The following CELSR1 variants were observed in gnomAD, a reference collection of about 807,000 sequenced individuals.
CELSR1 encodes cadherin EGF LAG seven-pass G-type receptor 1.
In CELSR1, 110 loss-of-function variants were observed where a neutral mutation model predicts 249.1. That is an observed-to-expected ratio of 0.44 (90% CI 0.38 to 0.52). CELSR1 has a LOEUF of 0.52. CELSR1 is among the 20% of genes least tolerant of loss of function. CELSR1 has a pLI of 0.00. For synonymous variants in CELSR1, 2,113 were observed against 1,900.0 expected (o/e 1.11, Z -2.92); for missense variants, 4,109 against 4,296.4 (o/e 0.96, Z 1.22).
In CELSR1 at chr22:46,473,572, C is replaced by T. The variant is rs2080177519; in HGVS notation, c.3545-9227G>A. Among the ~76,000 whole-genome samples, 2 of 152,182 alleles carry T rather than the reference C, an allele frequency of 1.3e-5. No homozygotes were observed. The highest frequency in any genetic ancestry group is 1.5e-5 in the Non-Finnish European group (1 of 68,022). On this transcript the variant is annotated intron_variant, in intron 1 of 34. Coordinates refer to ENST00000674500, the MANE Select transcript of CELSR1 (RefSeq NM_001378328.1). This position sits in a 1 kb window ranked among gnomAD's most constrained non-coding sequence, Gnocchi z 6.6. ...CCTCCACTCTCCCGTCACCAACGCC[C>T]CTCGAGGCCTGGTTAGGGCAGCCCA... is the stretch of plus-strand genomic sequence containing the variant.
In CELSR1 at chr22:46,473,065, C is replaced by G. The variant is rs969872987; in HGVS notation, c.3545-8720G>C. ...GCAGAGTAGCGGAGAGACACGGGCA[C>G]GGAGGCAGGGGGTGGGTGAACCTCC... On this transcript the variant is annotated intron_variant, in intron 1 of 34. Transcript: ENST00000674500. This position sits in a 1 kb window ranked among gnomAD's most constrained non-coding sequence, Gnocchi z 6.6. Among the ~76,000 whole-genome samples the G allele has an allele frequency of 6.6e-6, 1 of 151,954 alleles. No homozygotes were observed. The highest frequency in any genetic ancestry group is 1.5e-5 in the Non-Finnish European group (1 of 67,980).
chr22:46,366,948 A>G, intron 29 of CELSR1, 45 bp downstream of exon 29: 1 of 1,577,698 alleles, frequency 6.3e-7, no homozygotes, highest in Non-Finnish European at 8.6e-7. Flanking sequence ...GCCCCTCGAG[A>G]TGCCGCCCAG....
chr22:46,464,137 G>A lies in CELSR1; in HGVS notation c.3753C>T (p.Thr1251=), dbSNP rs200878975. The change falls in exon 2 of 35, where the codon ACC becomes ACT. Residue 1251 remains threonine, a synonymous_variant. Coordinates refer to ENST00000674500, the MANE Select transcript of CELSR1 (RefSeq NM_001378328.1). This position sits in a 1 kb window ranked among gnomAD's most constrained non-coding sequence, Gnocchi z 8.5. ...CGTTCAGGATGTTGGAGCTGACGTC[G>A]GTGTCGTTCTGGACGTTGAAGACGA... is the stretch of plus-strand genomic sequence containing the variant. The part of the protein sequence containing the change: ...DVFVFNVQND[T]DVSSNILNVT... 3.9e-5 allele frequency: 63 copies of A among 1,613,806 alleles called. No homozygotes were observed. Among genetic ancestry groups the A allele is most frequent in the African/African-American group, 1.5e-4 (11 of 75,066 alleles).
intron 5 of CELSR1, among the ~76,000 whole-genome samples, chr22:46,414,648 A>G (rs116526421): frequency 1.2e-4 from 16 of 135,662 alleles, no homozygotes; most frequent in African/African-American, 4.3e-4. Context: ...TCCACTCTGC[A>G]GTTGAGGCCA....
intron 31 of CELSR1, 21 bp downstream of exon 31, chr22:46,365,565 C>T: frequency 6.4e-7 from 1 of 1,572,532 alleles, no homozygotes; most frequent in Non-Finnish European, 8.6e-7. Context: ...ACGGGGTCCT[C>T]CCCCTCCAGG....
Position 46,399,452 on chromosome 22 carries a change from G to A in CELSR1, c.5412+265C>T, listed in dbSNP as rs998982113. The stretch of plus-strand genomic sequence containing the variant: ...TTTGCTAAAAGAAACCACTGCTGAA[G>A]GCACCAACAGCATCATGATGAGAAA... On this transcript the variant is annotated intron_variant, in intron 10 of 34. Transcript: ENST00000674500. The surrounding 1 kb of genome is among the most constrained non-coding windows in gnomAD (Gnocchi z 5.0). Among the ~76,000 whole-genome samples, 1 of 152,222 alleles carries A rather than the reference G, an allele frequency of 6.6e-6. No homozygotes were observed. Among genetic ancestry groups the A allele is most frequent in the African/African-American group, 2.4e-5 (1 of 41,448 alleles).
In CELSR1 at chr22:46,391,049, C is replaced by T. The variant is rs2079084860; in HGVS notation, c.6250+137G>A. The T allele has an allele frequency of 7.3e-6, 5 of 688,056 alleles. No individual in the cohort carries two copies. Among genetic ancestry groups the T allele is most frequent in the East Asian group, 2.8e-5 (1 of 35,924 alleles). 42.6% of individuals were successfully genotyped at this position (688,056 alleles called of 1,614,324 possible). A position where few individuals can be genotyped will look rare whatever the true frequency, so the allele number is the denominator to read the frequency against. ...TGTGTATTTCCTGGTAGGGAAAAGG[C>T]GATCGGATTTCTCCCCAGCACTTTG... On this transcript the variant is annotated intron_variant, in intron 16 of 34. Coordinates refer to ENST00000674500, the MANE Select transcript of CELSR1 (RefSeq NM_001378328.1). The surrounding 1 kb of genome is among the most constrained non-coding windows in gnomAD (Gnocchi z 4.3).
At chr22:46,419,664 T>C (rs1019070801) in intron 5 of CELSR1, among the ~76,000 whole-genome samples, 3 of 146,138 alleles carry the variant, frequency 2.1e-5, no homozygotes, top group Admixed American at 1.3e-4. Context: ...AAATGACTTT[T>C]CTGAGCAAGC....
chr22:46,531,199 T>G (rs998760878), intron 1 of CELSR1, among the ~76,000 whole-genome samples: 1 of 151,364 alleles, frequency 6.6e-6, no homozygotes, highest in East Asian at 1.9e-4. Context: ...ATTTATTTAT[T>G]TATTTATTTA....
rs1291256197 is a variant in CELSR1, at chr22:46,363,490, T to C, written c.9036-243A>G. On this transcript the variant is annotated intron_variant, in intron 34 of 34. Coordinates refer to ENST00000674500, the MANE Select transcript of CELSR1 (RefSeq NM_001378328.1). This position sits in a 1 kb window ranked among gnomAD's most constrained non-coding sequence, Gnocchi z 4.3. ...TTCAGAAGAGCGCAAGGAATCCACGTTAGAAACCGGCCATCTCTACAGTGA... is the reference window on the plus strand; with the variant it reads ...TTCAGAAGAGCGCAAGGAATCCACGCTAGAAACCGGCCATCTCTACAGTGA... 2 of 463,160 alleles carry C rather than the reference T, an allele frequency of 4.3e-6. No homozygotes were observed. The highest frequency in any genetic ancestry group is 7.9e-6 in the Non-Finnish European group (2 of 254,142). The allele number at this position is 463,160 out of a possible 1,614,324, so 28.7% of individuals were successfully genotyped here.
Position 46,488,612 on chromosome 22 carries a change from A to G in CELSR1, c.3545-24267T>C, listed in dbSNP as rs1167540392. Among the ~76,000 whole-genome samples, 1 of 151,778 alleles carries G rather than the reference A, an allele frequency of 6.6e-6. No homozygotes were observed. Among genetic ancestry groups the G allele is most frequent in the Admixed American group, 6.5e-5 (1 of 15,276 alleles). ...CCGCGCCACAGTGGAAAGTCCCCAGAAGCAGCAGTTTCTACGGCACAGCAG... is the reference window on the plus strand; with the variant it reads ...CCGCGCCACAGTGGAAAGTCCCCAGGAGCAGCAGTTTCTACGGCACAGCAG... On this transcript the variant is annotated intron_variant, in intron 1 of 34. Transcript: ENST00000674500. The surrounding 1 kb of genome is among the most constrained non-coding windows in gnomAD (Gnocchi z 4.7).
chr22:46,536,421 G>A lies in CELSR1; in HGVS notation c.750C>T (p.Tyr250=), dbSNP rs201096370. Residue 250 remains tyrosine, a synonymous_variant, in exon 1 of 35, where the codon TAC becomes TAT. Coordinates refer to ENST00000674500, the MANE Select transcript of CELSR1 (RefSeq NM_001378328.1). ...GTTCGTTCTCAAACAACGCCACCTG[G>A]TAGTTGGGCATCGGAAACTTCAGGC... is the stretch of plus-strand genomic sequence containing the variant. ...RGSLKFPMPN[Y]QVALFENEPA... 2.5e-6 allele frequency: 4 copies of A among 1,612,392 alleles called. No individual in the cohort carries two copies. Among genetic ancestry groups the A allele is most frequent in the Admixed American group, 3.3e-5 (2 of 60,006 alleles).
chr22:46,523,346 T>G (rs1210203300), intron 1 of CELSR1, among the ~76,000 whole-genome samples: 1 of 151,766 alleles, frequency 6.6e-6, no homozygotes, highest in Non-Finnish European at 1.5e-5. Flanking sequence ...CTGGCCAAAG[T>G]GGTGAAACCC....
chr22:46,394,577 G>A (rs539150273), intron 13 of CELSR1, among the ~76,000 whole-genome samples: 3 of 152,334 alleles, frequency 2.0e-5, no homozygotes, highest in South Asian at 4.1e-4. Flanking sequence ...GGCCTTTCAC[G>A]ATGCAGCCCC....
chr22:46,481,781 A>AAT, intron 1 of CELSR1: 1 of 383,964 alleles, frequency 2.6e-6, no homozygotes, highest in Non-Finnish European at 4.8e-6. Context: ...AACTTTTCTA[A>AAT]ATCTTTTTTT....
At chr22:46,388,335 C>G (rs1340437248) in intron 18 of CELSR1, among the ~76,000 whole-genome samples, 1 of 151,534 alleles carries the variant, frequency 6.6e-6, no homozygotes, top group East Asian at 1.9e-4. Context: ...GACAACAGAG[C>G]AAGACCCCAT....
chr22:46,415,290 C>T (rs2079387051), intron 5 of CELSR1, among the ~76,000 whole-genome samples: 1 of 152,262 alleles, frequency 6.6e-6, no homozygotes, highest in Non-Finnish European at 1.5e-5. Flanking sequence ...GCTGGGACTA[C>T]AGGTGCCCAT....
rs2147731889 is a variant in CELSR1, at chr22:46,500,845, C to G, written c.3544+32782G>C. On this transcript the variant is annotated intron_variant, in intron 1 of 34. Transcript: ENST00000674500. The surrounding 1 kb of genome is among the most constrained non-coding windows in gnomAD (Gnocchi z 4.9). ...GCGTCTCTCAGGCTCAGAACATCCCCCATCTGCGGGCAGAGCTGTCCTTGT... is the reference window on the plus strand; with the variant it reads ...GCGTCTCTCAGGCTCAGAACATCCCGCATCTGCGGGCAGAGCTGTCCTTGT... 6.6e-6 allele frequency among the ~76,000 whole-genome samples: 1 copy of G among 152,210 alleles called. No homozygotes were observed. Among genetic ancestry groups the G allele is most frequent in the Admixed American group, 6.5e-5 (1 of 15,294 alleles).
chr22:46,520,212 G>A (rs1335763476), intron 1 of CELSR1, among the ~76,000 whole-genome samples: 1 of 152,084 alleles, frequency 6.6e-6, no homozygotes, highest in Non-Finnish European at 1.5e-5. Flanking sequence ...TGGTCTAAGA[G>A]CACAGGAAAA....
Sources: allele counts gnomAD v4.1 joint callset (sites outside exome capture counted in the v4.1 genomes callset), GRCh38; gene constraint gnomAD v4.1.1; non-coding constraint Gnocchi (gnomAD v3.1); transcripts MANE v1.5; gene names NCBI Gene and HGNC (gene_info 2026-07-23, HGNC 2026-07-21).